Variants in ERBB4 observed in about 807,000 individuals in gnomAD.
ERBB4 encodes erb-b2 receptor tyrosine kinase 4, also known as receptor tyrosine-protein kinase erbB-4.
Under a neutral mutation model 158.0 loss-of-function variants are expected in ERBB4, and 42 were observed. That is an observed-to-expected ratio of 0.27 (90% CI 0.21 to 0.34). The LOEUF is 0.34. Among genes scored for constraint, ERBB4 ranks in the 10% least tolerant of loss-of-function variants. The pLI is 1.00. For synonymous variants in ERBB4, 583 were observed against 558.7 expected (o/e 1.04, Z -0.61); for missense variants, 1,333 against 1,624.1 (o/e 0.82, Z 3.08).
intron 25 of ERBB4, among the ~76,000 whole-genome samples, chr2:211,388,277 A>T (rs1292606868): frequency 6.6e-6 from 1 of 152,228 alleles, no homozygotes; most frequent in Non-Finnish European, 1.5e-5. Flanking sequence ...AATAATAAAC[A>T]TTCTTCTGAT....
At chr2:212,114,886 G>A (rs2079526913) in intron 2 of ERBB4, among the ~76,000 whole-genome samples, 1 of 152,112 alleles carries the variant, frequency 6.6e-6, no homozygotes, top group African/African-American at 2.4e-5. Context: ...ATGGTATACA[G>A]GGTATCAAAG....
intron 3 of ERBB4, among the ~76,000 whole-genome samples, chr2:211,847,372 C>T (rs1315142604): frequency 6.6e-6 from 1 of 152,074 alleles, no homozygotes; most frequent in Non-Finnish European, 1.5e-5. Flanking sequence ...ATCTATCATA[C>T]ATAATTAATT....
chr2:211,709,799 C>A (rs1282164329), intron 9 of ERBB4, among the ~76,000 whole-genome samples: 1 of 152,104 alleles, frequency 6.6e-6, no homozygotes, highest in Non-Finnish European at 1.5e-5. Context: ...TTGATCTTAG[C>A]CAAAAAGTCG....
intron 22 of ERBB4, among the ~76,000 whole-genome samples, chr2:211,426,455 T>G (rs559228997): frequency 1.3e-5 from 2 of 152,188 alleles, no homozygotes; most frequent in African/African-American, 4.8e-5. Flanking sequence ...CAACATTTTT[T>G]AAATGCCTTA....
chr2:211,634,638 A>G (rs776854580), intron 16 of ERBB4, among the ~76,000 whole-genome samples: 12 of 152,074 alleles, frequency 7.9e-5, no homozygotes, highest in Non-Finnish European at 1.8e-4. Context: ...GATAATGGCT[A>G]TTACCAACCA....
At chr2:212,474,171 A>T (rs1373453628) in intron 1 of ERBB4, among the ~76,000 whole-genome samples, 1 of 152,068 alleles carries the variant, frequency 6.6e-6, no homozygotes, top group Non-Finnish European at 1.5e-5. Context: ...CAATTAATGG[A>T]CCAATATGAC....
At chr2:212,331,058 G>GTGTATATA (rs1553619116) in intron 1 of ERBB4, among the ~76,000 whole-genome samples, 1 of 56,268 alleles carries the variant, frequency 1.8e-5, no homozygotes, top group Non-Finnish European at 4.8e-5. Flanking sequence ...TTTGTAATTT[G>GTGTATATA]TATATATATA....
intron 3 of ERBB4, among the ~76,000 whole-genome samples, chr2:211,917,185 G>T (rs1369768025): frequency 6.6e-6 from 1 of 152,102 alleles, no homozygotes; most frequent in Non-Finnish European, 1.5e-5. Context: ...GCTCATGAGG[G>T]CTTCATACAC....
chr2:211,883,887 T>C (rs748929860), intron 3 of ERBB4, among the ~76,000 whole-genome samples: 10 of 152,186 alleles, frequency 6.6e-5, no homozygotes, highest in Admixed American at 2.0e-4. Context: ...ATAGAAAAAC[T>C]CAATGGTGAT....
chr2:211,952,461 G>T (rs1443830662), intron 2 of ERBB4, among the ~76,000 whole-genome samples: 2 of 152,048 alleles, frequency 1.3e-5, no homozygotes, highest in African/African-American at 2.4e-5. Flanking sequence ...AACCATGTCA[G>T]TTATCCATTG....
intron 2 of ERBB4, among the ~76,000 whole-genome samples, chr2:211,975,401 T>C (rs959449679): frequency 1.3e-5 from 2 of 152,214 alleles, no homozygotes; most frequent in African/African-American, 4.8e-5. Context: ...AAGTGTAGCT[T>C]TACATTGTTA....
At chr2:211,611,943 G>A (rs1275586951) in intron 19 of ERBB4, among the ~76,000 whole-genome samples, 1 of 152,060 alleles carries the variant, frequency 6.6e-6, no homozygotes, top group African/African-American at 2.4e-5. Context: ...GCATGCATAG[G>A]AAAAAATCTT....
intron 1 of ERBB4, among the ~76,000 whole-genome samples, chr2:212,445,276 C>T (rs921924621): frequency 5.9e-5 from 9 of 152,008 alleles, no homozygotes; most frequent in Non-Finnish European, 8.8e-5. Flanking sequence ...CTCCCATAGC[C>T]AGGATTCACG....
intron 2 of ERBB4, among the ~76,000 whole-genome samples, chr2:211,948,436 C>CAAA (rs55763428): frequency 2.0e-4 from 16 of 81,358 alleles, no homozygotes; most frequent in East Asian, 4.2e-4. Flanking sequence ...CTCTGTCTCA[C>CAAA]AAAAAAAAAA....
At chr2:212,469,493 C>G (rs1407884887) in intron 1 of ERBB4, among the ~76,000 whole-genome samples, 1 of 152,084 alleles carries the variant, frequency 6.6e-6, no homozygotes, top group Non-Finnish European at 1.5e-5. Flanking sequence ...AATGTCATTG[C>G]TAGTTCAGAG....
intron 1 of ERBB4, among the ~76,000 whole-genome samples, chr2:212,341,584 C>G (rs2088714610): frequency 6.8e-6 from 1 of 147,600 alleles, no homozygotes; most frequent in South Asian, 2.2e-4. Flanking sequence ...TAGACGAGAG[C>G]TCCATCCATC....
chr2:212,455,522 A>G (rs1020839854), intron 1 of ERBB4, among the ~76,000 whole-genome samples: 1 of 151,552 alleles, frequency 6.6e-6, no homozygotes, highest in African/African-American at 2.4e-5. Context: ...TGAATGAGAA[A>G]CTGAATATTT....
At chr2:212,362,800 C>G (rs1172267406) in intron 1 of ERBB4, among the ~76,000 whole-genome samples, 1 of 150,604 alleles carries the variant, frequency 6.6e-6, no homozygotes, top group Non-Finnish European at 1.5e-5. Flanking sequence ...AATTGTATAC[C>G]TAAATACTTC....
intron 20 of ERBB4, among the ~76,000 whole-genome samples, chr2:211,486,492 G>A (rs1574586449): frequency 6.6e-6 from 1 of 151,754 alleles, no homozygotes; most frequent in East Asian, 1.9e-4. Context: ...GGAAATGACA[G>A]CTGTAAAATA....
Sources: allele counts gnomAD v4.1 joint callset (sites outside exome capture counted in the v4.1 genomes callset), GRCh38; gene constraint gnomAD v4.1.1; transcripts MANE v1.5; gene names NCBI Gene and HGNC (gene_info 2026-07-23, HGNC 2026-07-21).